Variants in RNF24 observed in about 807,000 individuals in gnomAD.
RNF24 encodes ring finger protein 24.
RNF24 carries 14 observed loss-of-function variants against 20.0 expected under a neutral mutation model. The ratio of observed to expected loss-of-function variants is 0.70; its 90% CI spans 0.46 to 1.10. The LOEUF (loss-of-function observed/expected upper bound fraction) is 1.10, where lower values mean the gene tolerates loss of function less well. Among genes scored for constraint, RNF24 ranks in the 50% least tolerant of loss-of-function variants. RNF24 has a pLI of 0.00. For missense variants in RNF24, 124 were observed against 177.6 expected, an observed-to-expected ratio of 0.70 and a Z score of 1.71; for synonymous variants, 45 against 61.1, an observed-to-expected ratio of 0.74 and a Z score of 1.23.
chr20:4,003,030 C>T (rs551571544), intron 1 of RNF24, among the ~76,000 whole-genome samples: 4 of 152,288 alleles, frequency 2.6e-5, no homozygotes, highest in East Asian at 1.9e-4. Flanking sequence ...GGTGCAGTGG[C>T]GCGATCTCAG....
At chr20:3,994,280 A>G (rs1980688252) in intron 1 of RNF24, among the ~76,000 whole-genome samples, 1 of 152,200 alleles carries the variant, frequency 6.6e-6, no homozygotes, top group Non-Finnish European at 1.5e-5. Context: ...CACTCTTTAA[A>G]TAAAGGTAGG....
At chr20:3,971,296 G>A (rs995749054) in intron 1 of RNF24, among the ~76,000 whole-genome samples, 26 of 152,106 alleles carry the variant, frequency 1.7e-4, no homozygotes, top group Non-Finnish European at 2.9e-4. Context: ...AATGAAACAG[G>A]AAATCAAGAC....
At chr20:4,008,671 C>T (rs1219524536) in intron 1 of RNF24, among the ~76,000 whole-genome samples, 2 of 148,852 alleles carry the variant, frequency 1.3e-5, no homozygotes, top group Admixed American at 6.9e-5. Flanking sequence ...CTCAGCCTCC[C>T]GAGTAACTGG....
intron 1 of RNF24, among the ~76,000 whole-genome samples, chr20:3,982,978 G>A (rs1236542040): frequency 6.6e-6 from 1 of 152,286 alleles, no homozygotes; most frequent in East Asian, 1.9e-4. Context: ...CCAAGGAAGT[G>A]GGTTCCTTAT....
In RNF24 at chr20:3,974,334, C is replaced by G. The variant is rs538556895; in HGVS notation, c.-7-10310G>C. The G allele has an allele frequency of 1.4e-4, 210 of 1,550,628 alleles. 1 individual carries two copies. The highest frequency in any genetic ancestry group is 1.6e-4 in the Non-Finnish European group (181 of 1,146,676). ...ATTGTGAAAGACTGAATACTTACCC[C>G]CCTAAGACCGGGAACAAGGCAGGAT... is the stretch of plus-strand genomic sequence containing the variant. On this transcript the variant is annotated intron_variant, in intron 1 of 5. Coordinates refer to ENST00000358395, the MANE Select transcript of RNF24 (RefSeq NM_001134337.3).
chr20:3,950,070 G>A (rs1243006371), intron 2 of RNF24, among the ~76,000 whole-genome samples: 2 of 152,148 alleles, frequency 1.3e-5, no homozygotes, highest in African/African-American at 4.8e-5. Context: ...TGACACATCT[G>A]TTGTAAATCA....
chr20:3,964,486 G>A (rs1353131624), intron 1 of RNF24, among the ~76,000 whole-genome samples: 1 of 151,994 alleles, frequency 6.6e-6, no homozygotes, highest in Non-Finnish European at 1.5e-5. Flanking sequence ...ATAGTCATAT[G>A]TTATAGTATT....
chr20:3,990,502 C>A (rs1980340218), intron 1 of RNF24, among the ~76,000 whole-genome samples: 1 of 152,064 alleles, frequency 6.6e-6, no homozygotes, highest in Non-Finnish European at 1.5e-5. Flanking sequence ...TGGAAGCAAC[C>A]TAAATATGTA....
chr20:3,968,087 C>T (rs558514301), intron 1 of RNF24, among the ~76,000 whole-genome samples: 1 of 151,708 alleles, frequency 6.6e-6, no homozygotes, highest in South Asian at 2.1e-4. Flanking sequence ...GGGCAGATCA[C>T]GAGGTCAGGA....
intron 1 of RNF24, among the ~76,000 whole-genome samples, chr20:3,988,831 C>G (rs1980157784): frequency 6.6e-6 from 1 of 151,870 alleles, no homozygotes; most frequent in Non-Finnish European, 1.5e-5. Context: ...CTTTTTTAAT[C>G]CTTCAAGAAA....
At position 3,928,054 on chromosome 20, in the gene RNF24, AT is replaced by A. The variant is rs1308106128; in HGVS notation, c.*6008del. The A allele has an allele frequency of 6.6e-6, 1 of 152,148 alleles. No homozygotes were observed. The highest frequency in any genetic ancestry group is 2.4e-5 in the African/African-American group (1 of 41,426). The allele number at this position is 152,148 out of a possible 1,614,324, so 9.4% of individuals were successfully genotyped here. On this transcript the variant is annotated 3_prime_UTR_variant, in exon 6 of 6. Transcript: ENST00000358395. Reference sequence around the variant, plus strand: ...GAAGCACACTCCCCAGCACATGGGGATCCCTTATTAATCTTTACTAAAGAAC... The same window carrying A: ...GAAGCACACTCCCCAGCACATGGGGACCCTTATTAATCTTTACTAAAGAAC...
chr20:3,998,074 T>C (rs776922006), intron 1 of RNF24, among the ~76,000 whole-genome samples: 4 of 152,248 alleles, frequency 2.6e-5, no homozygotes, highest in Non-Finnish European at 5.9e-5. Flanking sequence ...CAACAGCTCA[T>C]TTATACTAAT....
At chr20:3,995,503 T>C (rs1568660515) in intron 1 of RNF24, among the ~76,000 whole-genome samples, 1 of 152,220 alleles carries the variant, frequency 6.6e-6, no homozygotes, top group Non-Finnish European at 1.5e-5. Flanking sequence ...ATCTAAATTT[T>C]GTAGAAGGAA....
At chr20:4,012,224 C>G (rs1011571305) in intron 1 of RNF24, among the ~76,000 whole-genome samples, 1 of 151,994 alleles carries the variant, frequency 6.6e-6, no homozygotes, top group African/African-American at 2.4e-5. Context: ...ACCAGTCTGG[C>G]CAACATGGCA....
chr20:3,989,597 G>A (rs1271800814), intron 1 of RNF24, among the ~76,000 whole-genome samples: 4 of 152,198 alleles, frequency 2.6e-5, no homozygotes, highest in Middle Eastern at 3.2e-3. Context: ...AATATTTTCA[G>A]CTTTCCATCT....
chr20:3,989,071 T>C (rs915785671), intron 1 of RNF24, among the ~76,000 whole-genome samples: 1 of 152,148 alleles, frequency 6.6e-6, no homozygotes, highest in Non-Finnish European at 1.5e-5. Flanking sequence ...ATCTATCAAT[T>C]TAATGCAGAT....
chr20:4,003,994 G>C (rs963295828), intron 1 of RNF24, among the ~76,000 whole-genome samples: 2 of 152,116 alleles, frequency 1.3e-5, no homozygotes, highest in African/African-American at 4.8e-5. Context: ...TCTAAACCAA[G>C]TACAAATTCA....
rs997444152 is a variant in RNF24, at chr20:3,933,695, G to A, written c.*368C>T. 10 of 176,234 alleles carry A rather than the reference G, an allele frequency of 5.7e-5. No individual in the cohort carries two copies. Among genetic ancestry groups the A allele is most frequent in the Middle Eastern group, 2.3e-3 (1 of 432 alleles). 10.9% of individuals were successfully genotyped at this position (176,234 alleles called of 1,614,324 possible). A position where few individuals can be genotyped will look rare whatever the true frequency, so the allele number is the denominator to read the frequency against. ...GGCCTACAGAGAAACCCATCCATCC[G>A]CAGGTGGGGGTGTGGCTTGAAAGAC... On this transcript the variant is annotated 3_prime_UTR_variant, in exon 6 of 6. Coordinates refer to ENST00000358395, the MANE Select transcript of RNF24 (RefSeq NM_001134337.3).
intron 1 of RNF24, among the ~76,000 whole-genome samples, chr20:3,976,189 T>C (rs1161959977): frequency 6.6e-6 from 1 of 152,096 alleles, no homozygotes; most frequent in Non-Finnish European, 1.5e-5. Flanking sequence ...AAGGCAGCCC[T>C]AGGAAACAAT....
Sources: gnomAD v4.1 joint callset for allele counts (sites outside exome capture counted in the v4.1 genomes callset) on GRCh38, gnomAD v4.1.1 for gene constraint, MANE v1.5 for transcripts, NCBI Gene and HGNC (gene_info 2026-07-23, HGNC 2026-07-21) for gene names.